ABCA8: variants seen among roughly 807,000 people sequenced by gnomAD.
ABCA8 encodes ABC-type organic anion transporter ABCA8.
In ABCA8, 177 loss-of-function variants were observed where a neutral mutation model predicts 192.3. That is an observed-to-expected ratio of 0.92 (90% confidence interval 0.81 to 1.04). The LOEUF (loss-of-function observed/expected upper bound fraction) is 1.04, where lower values mean the gene tolerates loss of function less well. Ranked by LOEUF, ABCA8 falls within the 50% of genes least tolerant of loss-of-function variation. The pLI is 0.00. For missense variants in ABCA8, 1,915 were observed against 1,904.8 expected, an observed-to-expected ratio of 1.01 and a Z score of -0.10; for synonymous variants, 642 against 690.2, an observed-to-expected ratio of 0.93 and a Z score of 1.09.
rs1478545063 is a variant in ABCA8, at chr17:68,894,186, C to T, written c.3023G>A (p.Ser1008Asn). ...ATATATATTTACCTCCAAAAATGTA[C>T]TTCTTTCAGTTCGGATATGTACTGA... Reference protein sequence around the residue: ...KPSVHIRTERSTFLENGQDNP... With the variant: ...KPSVHIRTERNTFLENGQDNP... Residue 1008 changes from serine to asparagine, a missense_variant, in exon 23 of 40, where the codon AGT becomes AAT. Coordinates refer to ENST00000586539, the MANE Select transcript of ABCA8 (RefSeq NM_001288985.2). 1 of 1,613,102 alleles carries T rather than the reference C, an allele frequency of 6.2e-7. No individual in the cohort carries two copies. The highest frequency in any genetic ancestry group is 8.5e-7 in the Non-Finnish European group (1 of 1,179,602).
At chr17:68,895,044 C>T (rs2066710825) in intron 21 of ABCA8, 31 bp from the exon 22 acceptor site, 3 of 1,538,362 alleles carry the variant, frequency 2.0e-6, no homozygotes, top group Non-Finnish European at 2.6e-6. Flanking sequence ...TTAGGTATCA[C>T]AAAACTAAAA....
In ABCA8 at chr17:68,894,279, T is replaced by C; in HGVS notation, c.2930A>G (p.Lys977Arg). ...NYSFSLACNA[K>R]RLNCFPVLMD... ...AAGAACTGGGAAGCAATTCAATCTT[T>C]TGGCATTGCATGCTAACGAAAAGCT... Residue 977 changes from lysine to arginine, a missense_variant, in exon 23 of 40, where the codon AAA (lysine) becomes AGA (arginine). Lys to Arg is a conservative substitution (Grantham distance 26). Transcript: ENST00000586539. The C allele has an allele frequency of 2.5e-6, 4 of 1,611,384 alleles. No homozygotes were observed. Among genetic ancestry groups the C allele is most frequent in the East Asian group, 2.2e-5 (1 of 44,746 alleles).
intron 21 of ABCA8, among the ~76,000 whole-genome samples, chr17:68,897,228 A>G (rs1462604040): frequency 6.6e-6 from 1 of 152,202 alleles, no homozygotes; most frequent in Non-Finnish European, 1.5e-5. Flanking sequence ...AGAGGTCAGG[A>G]AAAGAGACAA....
At chr17:68,894,560 T>G (rs565734038) in intron 22 of ABCA8, among the ~76,000 whole-genome samples, 3 of 152,352 alleles carry the variant, frequency 2.0e-5, no homozygotes, top group African/African-American at 7.2e-5. Context: ...CAGAATCATA[T>G]GTTCAGTGTT....
chr17:68,907,259 G>T (rs1482103821), intron 18 of ABCA8, among the ~76,000 whole-genome samples: 1 of 152,056 alleles, frequency 6.6e-6, no homozygotes, highest in Admixed American at 6.6e-5. Flanking sequence ...AAGGTTAATT[G>T]TTTCAACCAC....
At chr17:68,936,806 A>T in intron 5 of ABCA8, 145 bp downstream of exon 5, 1 of 612,758 alleles carries the variant, frequency 1.6e-6, no homozygotes. Flanking sequence ...CCAAAAATGA[A>T]TTTTTTTTTA....
At chr17:68,937,848 CATTATT>C (rs150394447) in intron 4 of ABCA8, among the ~76,000 whole-genome samples, 9,758 of 151,486 alleles carry the variant, frequency 0.064, 1,034 homozygotes, top group African/African-American at 0.22. Flanking sequence ...ACTTAATAAC[CATTATT>C]ATTATTATTA....
At chr17:68,935,208 C>T (rs1159983742) in intron 5 of ABCA8, among the ~76,000 whole-genome samples, 3 of 150,672 alleles carry the variant, frequency 2.0e-5, no homozygotes, top group Admixed American at 6.6e-5. Flanking sequence ...AATTCTCCTG[C>T]CTCAGCCTCC....
chr17:68,887,913 T>TATATATATATATATATATATCC (rs2066519803), intron 24 of ABCA8, among the ~76,000 whole-genome samples: 1 of 60,358 alleles, frequency 1.7e-5, no homozygotes, highest in Non-Finnish European at 2.8e-5. Context: ...TATATCCATA[T>TATATATATATATATATATATCC]ATATATATAT....
chr17:68,874,528 C>G (rs565468397), intron 37 of ABCA8, among the ~76,000 whole-genome samples: 1 of 152,210 alleles, frequency 6.6e-6, no homozygotes, highest in African/African-American at 2.4e-5. Flanking sequence ...TCACCTATTT[C>G]GCTTATTCCC....
chr17:68,924,233 C>T (rs1027831402), intron 11 of ABCA8, among the ~76,000 whole-genome samples: 3 of 151,614 alleles, frequency 2.0e-5, no homozygotes, highest in African/African-American at 7.3e-5. Context: ...GTAATTCCAA[C>T]TACTTGGGAG....
intron 32 of ABCA8, chr17:68,879,465 C>T (rs948177041): frequency 2.0e-5 from 3 of 152,116 alleles, no homozygotes; most frequent in East Asian, 1.9e-4. Context: ...GGCTGCAGCC[C>T]GTCTGCAGCC....
chr17:68,894,270 T>C lies in ABCA8; in HGVS notation c.2939A>G (p.Asn980Ser). The change falls in exon 23 of 40, where the codon AAT becomes AGT. Residue 980 changes from asparagine to serine, a missense_variant. By Grantham distance (46) the Asn-to-Ser change is conservative. Coordinates refer to ENST00000586539, the MANE Select transcript of ABCA8 (RefSeq NM_001288985.2). ...FSLACNAKRL[N>S]CFPVLMDIVS... The stretch of plus-strand genomic sequence containing the variant: ...AATGTCCATAAGAACTGGGAAGCAA[T>C]TCAATCTTTTGGCATTGCATGCTAA... 1 of 1,612,076 alleles carries C rather than the reference T, an allele frequency of 6.2e-7. No homozygotes were observed. Among genetic ancestry groups the C allele is most frequent in the Admixed American group, 1.7e-5 (1 of 59,896 alleles).
chr17:68,932,245 C>T (rs2067914042), intron 7 of ABCA8, 43 bp downstream of exon 7: 5 of 1,460,262 alleles, frequency 3.4e-6, no homozygotes, highest in Non-Finnish European at 4.7e-6. Context: ...TCCCAGTTTT[C>T]CTGAGTTCCT....
intron 6 of ABCA8, among the ~76,000 whole-genome samples, chr17:68,932,721 GT>G (rs1348938844): frequency 6.6e-6 from 1 of 152,134 alleles, no homozygotes; most frequent in Non-Finnish European, 1.5e-5. Flanking sequence ...AATTTACTGT[GT>G]GTTTCATTAC....
At position 68,887,402 on chromosome 17, in the gene ABCA8, A is replaced by G. The variant is rs950563936; in HGVS notation, c.3249T>C (p.Phe1083=). 1.4e-5 allele frequency: 22 copies of G among 1,613,272 alleles called. No individual in the cohort carries two copies. Among genetic ancestry groups the G allele is most frequent in the Non-Finnish European group, 1.8e-5 (21 of 1,179,444 alleles). ...DVSLYFLVFV[F]IYLMSYISNF... ...TTGAAATGTAGCTCATTAAATATAT[A>G]AAAACGAAGACCAAGAAGTACAGGG... The change falls in exon 25 of 40, where the codon TTT becomes TTC. Residue 1083 remains phenylalanine, a synonymous_variant. Coordinates refer to ENST00000586539, the MANE Select transcript of ABCA8 (RefSeq NM_001288985.2).
intron 4 of ABCA8, among the ~76,000 whole-genome samples, chr17:68,939,269 T>C (rs2068158891): frequency 6.6e-6 from 1 of 152,192 alleles, no homozygotes; most frequent in South Asian, 2.1e-4. Flanking sequence ...GTAAAGGACA[T>C]ATGTTGTTTT....
intron 24 of ABCA8, among the ~76,000 whole-genome samples, chr17:68,889,801 A>G (rs1367952251): frequency 2.0e-5 from 3 of 152,084 alleles, no homozygotes; most frequent in Admixed American, 6.6e-5. Context: ...ATCCTAATTA[A>G]AGGTACCTAA....
intron 38 of ABCA8, among the ~76,000 whole-genome samples, chr17:68,869,105 A>C (rs1178334735): frequency 2.6e-5 from 4 of 152,174 alleles, no homozygotes; most frequent in Admixed American, 6.6e-5. Context: ...CTTAGGGCAG[A>C]GGATAAGCAA....
Sources: allele counts gnomAD v4.1 joint callset (sites outside exome capture counted in the v4.1 genomes callset), GRCh38; gene constraint gnomAD v4.1.1; transcripts MANE v1.5; gene names NCBI Gene and HGNC (gene_info 2026-07-23, HGNC 2026-07-21).